NTM: variants seen among roughly 807,000 people sequenced by gnomAD.
The protein encoded by NTM is IgLON family member 2.
In NTM, 13 loss-of-function variants were observed where a neutral mutation model predicts 42.1. That is an observed-to-expected ratio of 0.31 (90% CI 0.20 to 0.49). The LOEUF is 0.49. NTM is among the 20% of genes least tolerant of loss of function. NTM has a pLI of 0.99. For missense variants in NTM, 373 were observed against 452.8 expected (o/e 0.82, Z 1.60); for synonymous variants, 187 against 179.2 (o/e 1.04, Z -0.35).
intron 4 of NTM, among the ~76,000 whole-genome samples, chr11:132,249,761 C>G (rs2139359058): frequency 6.6e-6 from 1 of 152,338 alleles, no homozygotes; most frequent in South Asian, 2.1e-4. Flanking sequence ...CAGCCAGGCA[C>G]TTTCTCTCGG....
chr11:131,552,442 T>C (rs1197657033), intron 1 of NTM, among the ~76,000 whole-genome samples: 2 of 151,638 alleles, frequency 1.3e-5, no homozygotes, highest in Non-Finnish European at 2.9e-5. Flanking sequence ...GGTAACCTTG[T>C]TTAAAGCAGC....
chr11:132,154,495 T>C (rs536854022), intron 3 of NTM, among the ~76,000 whole-genome samples: 3 of 152,358 alleles, frequency 2.0e-5, no homozygotes, highest in Admixed American at 6.5e-5. Flanking sequence ...GAATTTGTAA[T>C]AATGATTCTT....
chr11:132,247,168 A>G (rs2091300166), intron 4 of NTM, among the ~76,000 whole-genome samples: 1 of 152,168 alleles, frequency 6.6e-6, no homozygotes, highest in Admixed American at 6.5e-5. Context: ...CAGGCTCATC[A>G]TTGATCGCCC....
intron 4 of NTM, among the ~76,000 whole-genome samples, chr11:132,251,910 G>GC (rs1397090170): frequency 6.6e-6 from 1 of 152,194 alleles, no homozygotes; most frequent in Non-Finnish European, 1.5e-5. Flanking sequence ...AAATCTTTAG[G>GC]CTAACAGTGA....
chr11:131,910,457 G>GGCGCCC (rs2054576013), intron 1 of NTM, among the ~76,000 whole-genome samples: 1 of 150,108 alleles, frequency 6.7e-6, no homozygotes, highest in South Asian at 2.1e-4. Context: ...GGTTAAGGTG[G>GGCGCCC]GCGCCCGCGC....
At chr11:131,490,929 C>G (rs1954707591) in intron 1 of NTM, among the ~76,000 whole-genome samples, 1 of 152,176 alleles carries the variant, frequency 6.6e-6, no homozygotes. Context: ...GCTAGCTGTT[C>G]TGCTGTAGGG....
chr11:132,180,358 T>C (rs2077385402), intron 3 of NTM, among the ~76,000 whole-genome samples: 1 of 151,940 alleles, frequency 6.6e-6, no homozygotes, highest in South Asian at 2.1e-4. Context: ...TAAACAGTGA[T>C]GGATTATTAT....
intron 1 of NTM, among the ~76,000 whole-genome samples, chr11:131,683,021 C>T (rs74648497): frequency 0.024 from 3,728 of 152,314 alleles, 167 homozygotes; most frequent in African/African-American, 0.085. Flanking sequence ...CGTGCAAGGA[C>T]GCAGGCCCAT....
chr11:132,163,264 C>T (rs36090941), intron 3 of NTM, among the ~76,000 whole-genome samples: 2 of 152,100 alleles, frequency 1.3e-5, no homozygotes, highest in African/African-American at 2.4e-5. Flanking sequence ...CTGCTCCAGG[C>T]TGGGGTCCTT....
At chr11:132,010,639 C>G (rs910604061) in intron 2 of NTM, among the ~76,000 whole-genome samples, 4 of 137,836 alleles carry the variant, frequency 2.9e-5, no homozygotes, top group African/African-American at 7.9e-5. Flanking sequence ...CCTCCATTCT[C>G]TTCTGCTAGG....
At chr11:132,264,164 A>C (rs2093037213) in intron 4 of NTM, among the ~76,000 whole-genome samples, 1 of 152,210 alleles carries the variant, frequency 6.6e-6, no homozygotes, top group Admixed American at 6.5e-5. Flanking sequence ...CATAACAGAT[A>C]CTTTCAATAG....
intron 1 of NTM, among the ~76,000 whole-genome samples, chr11:131,395,451 T>G (rs1944445229): frequency 6.6e-6 from 1 of 152,184 alleles, no homozygotes; most frequent in Non-Finnish European, 1.5e-5. Flanking sequence ...GACACTCATG[T>G]GCAAACTTTT....
intron 2 of NTM, among the ~76,000 whole-genome samples, chr11:132,100,119 C>CT (rs2061459451): frequency 2.0e-5 from 3 of 152,112 alleles, no homozygotes; most frequent in Admixed American, 6.6e-5. Context: ...TATGAGAGAC[C>CT]TTTTTACATT....
intron 3 of NTM, among the ~76,000 whole-genome samples, chr11:132,174,600 C>G (rs888450349): frequency 6.6e-6 from 1 of 152,146 alleles, no homozygotes; most frequent in Non-Finnish European, 1.5e-5. Flanking sequence ...AGCTGCTGCT[C>G]TTTGTGCAGC....
chr11:131,381,092 A>G (rs1024489234), intron 1 of NTM, among the ~76,000 whole-genome samples: 1 of 152,168 alleles, frequency 6.6e-6, no homozygotes, highest in African/African-American at 2.4e-5. Flanking sequence ...AAGTCATTCT[A>G]ATGGTGAACT....
rs151109391 is a variant in NTM, at chr11:132,089,235, A to T, written c.168-57047A>T. Among the ~76,000 whole-genome samples, 880 of 152,278 alleles carry T rather than the reference A, an allele frequency of 5.8e-3. 7 individuals are homozygous for T. Among genetic ancestry groups the T allele is most frequent in the African/African-American group, 0.02 (847 of 41,550 alleles). On this transcript the variant is annotated intron_variant, in intron 2 of 8. Coordinates refer to ENST00000683400, the MANE Select transcript of NTM (RefSeq NM_001352005.2). ...CATGAGCCTTGCTCTTGACTGGTGCACTTTGGCTTTCACTGGAGCACCTCC... is the reference window on the plus strand; with the variant it reads ...CATGAGCCTTGCTCTTGACTGGTGCTCTTTGGCTTTCACTGGAGCACCTCC...
At chr11:131,820,529 A>G (rs1270301874) in intron 1 of NTM, among the ~76,000 whole-genome samples, 1 of 152,218 alleles carries the variant, frequency 6.6e-6, no homozygotes, top group African/African-American at 2.4e-5. Context: ...TAGTGTATCT[A>G]CTACCTAGAT....
At chr11:131,924,808 A>G (rs1416316151) in intron 2 of NTM, among the ~76,000 whole-genome samples, 4 of 152,250 alleles carry the variant, frequency 2.6e-5, no homozygotes, top group Non-Finnish European at 5.9e-5. Flanking sequence ...ATGATTTGTT[A>G]CAATAGCTAG....
intron 1 of NTM, among the ~76,000 whole-genome samples, chr11:131,740,085 T>C (rs1024140610): frequency 2.0e-5 from 3 of 152,218 alleles, no homozygotes; most frequent in Admixed American, 6.5e-5. Flanking sequence ...TCACCGACTC[T>C]CAGTTTTCTT....
Sources: gnomAD v4.1 joint callset for allele counts (sites outside exome capture counted in the v4.1 genomes callset) on GRCh38, gnomAD v4.1.1 for gene constraint, MANE v1.5 for transcripts, NCBI Gene and HGNC (gene_info 2026-07-23, HGNC 2026-07-21) for gene names.